DAB1: variants seen among roughly 807,000 people sequenced by gnomAD.
DAB1 encodes DAB adaptor protein 1.
A neutral mutation model predicts 64.6 loss-of-function variants in DAB1; 15 were observed. The observed-to-expected ratio is 0.23, with a 90% CI of 0.16 to 0.36. The LOEUF is 0.36. Ranked by LOEUF, DAB1 falls within the 10% of genes least tolerant of loss-of-function variation. The pLI is 1.00. For synonymous variants in DAB1, 235 were observed against 251.9 expected (o/e 0.93, Z 0.64); for missense variants, 596 against 706.7 (o/e 0.84, Z 1.78).
chr1:58,380,147 C>G (rs540951144), intron 3 of DAB1, among the ~76,000 whole-genome samples: 32 of 152,316 alleles, frequency 2.1e-4, no homozygotes, highest in African/African-American at 7.2e-4. Flanking sequence ...TGGTTTGGCT[C>G]TGTGTCCTCA....
chr1:57,069,245 A>C, intron 8 of DAB1, 115 bp downstream of exon 8: 1 of 821,454 alleles, frequency 1.2e-6, no homozygotes, highest in South Asian at 1.6e-5. Context: ...TTTCACTCAA[A>C]GGTATTTTAA....
chr1:57,550,386 C>G (rs1285574670), intron 7 of DAB1, among the ~76,000 whole-genome samples: 1 of 152,156 alleles, frequency 6.6e-6, no homozygotes, highest in African/African-American at 2.4e-5. Flanking sequence ...TGATCACTCA[C>G]TAACTCTGAT....
At chr1:58,091,935 A>AACACACACACACACAC (rs59390109) in intron 5 of DAB1, among the ~76,000 whole-genome samples, 2,597 of 141,858 alleles carry the variant, frequency 0.018, 80 homozygotes, top group African/African-American at 0.065. Context: ...AGCTGCATTA[A>AACACACACACACACAC]ACACACACAC....
At chr1:58,037,640 C>T (rs903982659) in intron 5 of DAB1, among the ~76,000 whole-genome samples, 2 of 152,152 alleles carry the variant, frequency 1.3e-5, no homozygotes, top group African/African-American at 4.8e-5. Flanking sequence ...CCTTCCACCC[C>T]CACCCTGCTC....
At chr1:57,653,593 A>G (rs559887245) in intron 6 of DAB1, among the ~76,000 whole-genome samples, 284 of 152,162 alleles carry the variant, frequency 1.9e-3, no homozygotes, top group Middle Eastern at 3.4e-3. Flanking sequence ...CATAGAGTAC[A>G]TGCATCTTCA....
chr1:58,120,594 T>C (rs1485665163), intron 5 of DAB1, among the ~76,000 whole-genome samples: 1 of 152,184 alleles, frequency 6.6e-6, no homozygotes, highest in East Asian at 1.9e-4. Context: ...GGAAGATGCT[T>C]CCTTCCCTTG....
At chr1:57,769,559 C>T (rs529611628) in intron 6 of DAB1, among the ~76,000 whole-genome samples, 22 of 152,160 alleles carry the variant, frequency 1.4e-4, no homozygotes, top group Non-Finnish European at 2.9e-4. Context: ...GAACACAAAC[C>T]GATCCCCACT....
intron 3 of DAB1, among the ~76,000 whole-genome samples, chr1:58,485,792 G>A (rs977468507): frequency 3.9e-5 from 6 of 152,016 alleles, no homozygotes; most frequent in East Asian, 3.9e-4. Flanking sequence ...TTAACTCCAC[G>A]CACTGCACAT....
intron 1 of DAB1, among the ~76,000 whole-genome samples, chr1:57,302,980 G>A (rs1673794449): frequency 6.6e-6 from 1 of 152,198 alleles, no homozygotes. Flanking sequence ...ATTAAATGAT[G>A]TAATCCACAT....
intron 7 of DAB1, among the ~76,000 whole-genome samples, chr1:57,647,686 A>G (rs1646209837): frequency 6.6e-6 from 1 of 152,244 alleles, no homozygotes; most frequent in African/African-American, 2.4e-5. Flanking sequence ...TAAGGATACC[A>G]CATACCCAGA....
chr1:57,641,766 G>A (rs376593472), intron 7 of DAB1, among the ~76,000 whole-genome samples: 146 of 152,102 alleles, frequency 9.6e-4, no homozygotes, highest in African/African-American at 3.4e-3. Context: ...TCTGGTTATT[G>A]CTATTCAAAT....
intron 5 of DAB1, among the ~76,000 whole-genome samples, chr1:57,925,027 A>G (rs1430735548): frequency 6.6e-6 from 1 of 152,214 alleles, no homozygotes; most frequent in East Asian, 1.9e-4. Flanking sequence ...TCTAAGACGA[A>G]TATCTGTGCA....
chr1:57,051,391 GA>G (rs1649170267), intron 9 of DAB1, among the ~76,000 whole-genome samples: 2 of 152,136 alleles, frequency 1.3e-5, no homozygotes, highest in African/African-American at 4.8e-5. Context: ...CAAACTAAAG[GA>G]AAAACCAACT....
chr1:57,726,176 A>G (rs1205938887), intron 6 of DAB1, among the ~76,000 whole-genome samples: 2 of 152,236 alleles, frequency 1.3e-5, no homozygotes, highest in Non-Finnish European at 2.9e-5. Context: ...AGAAAATAGA[A>G]GAGTAAAGTA....
chr1:57,576,146 T>C (rs1645247679), intron 7 of DAB1, among the ~76,000 whole-genome samples: 1 of 152,194 alleles, frequency 6.6e-6, no homozygotes, highest in Non-Finnish European at 1.5e-5. Flanking sequence ...TATTTTTATT[T>C]TTTAATCATA....
At chr1:57,710,370 TG>T (rs1336357783) in intron 6 of DAB1, among the ~76,000 whole-genome samples, 1 of 152,216 alleles carries the variant, frequency 6.6e-6, no homozygotes, top group Non-Finnish European at 1.5e-5. Context: ...TCTAATTCCA[TG>T]ATTCTGAGTT....
chr1:58,187,653 C>A (rs1657158050), intron 4 of DAB1, among the ~76,000 whole-genome samples: 2 of 150,996 alleles, frequency 1.3e-5, no homozygotes, highest in African/African-American at 4.8e-5. Context: ...GATCTTAGCT[C>A]ACTGCAACCT....
At chr1:57,411,348 G>A (rs1684096355) in intron 1 of DAB1, among the ~76,000 whole-genome samples, 1 of 152,200 alleles carries the variant, frequency 6.6e-6, no homozygotes, top group Non-Finnish European at 1.5e-5. Flanking sequence ...ATTTCTGTAG[G>A]CCTGTGGCTC....
intron 1 of DAB1, among the ~76,000 whole-genome samples, chr1:57,375,517 A>C (rs2100949824): frequency 6.6e-6 from 1 of 152,310 alleles, no homozygotes; most frequent in African/African-American, 2.4e-5. Context: ...GATTAAAGTA[A>C]ATATCAGAAA....
Sources: gnomAD v4.1 joint callset for allele counts (sites outside exome capture counted in the v4.1 genomes callset) on GRCh38, gnomAD v4.1.1 for gene constraint, MANE v1.5 for transcripts, NCBI Gene and HGNC (gene_info 2026-07-23, HGNC 2026-07-21) for gene names.